The following PIK3CB variants were observed in gnomAD, a reference collection of about 807,000 sequenced individuals.
PIK3CB encodes phosphatidylinositol-4,5-bisphosphate 3-kinase catalytic subunit beta.
A neutral mutation model predicts 136.8 loss-of-function variants in PIK3CB; 39 were observed. The observed-to-expected ratio is 0.29, with a 90% CI of 0.22 to 0.37. The LOEUF (loss-of-function observed/expected upper bound fraction) is 0.37, where lower values mean the gene tolerates loss of function less well. Among genes scored for constraint, PIK3CB ranks in the 10% least tolerant of loss-of-function variants. PIK3CB has a pLI of 1.00. For synonymous variants in PIK3CB, 428 were observed against 436.6 expected (o/e 0.98, Z 0.25); for missense variants, 868 against 1,275.4 (o/e 0.68, Z 4.87).
intron 21 of PIK3CB, among the ~76,000 whole-genome samples, chr3:138,659,383 G>A (rs1420676685): frequency 3.3e-5 from 5 of 152,060 alleles, no homozygotes; most frequent in East Asian, 1.9e-4. Context: ...GCGTGGTGGC[G>A]CATGCCTGTG....
At chr3:138,796,410 T>C (rs1282911200) in intron 2 of PIK3CB, 53 bp downstream of exon 2, 1 of 148,634 alleles carries the variant, frequency 6.7e-6, no homozygotes, top group South Asian at 2.1e-4. Context: ...AAAAAAAAGA[T>C]TTATACTCTA....
At chr3:138,816,565 A>G (rs1697767575) in intron 1 of PIK3CB, among the ~76,000 whole-genome samples, 1 of 151,842 alleles carries the variant, frequency 6.6e-6, no homozygotes, top group Admixed American at 6.6e-5. Context: ...ATTGTACTCT[A>G]GCCTGGGGAC....
chr3:138,698,897 C>CTT lies in PIK3CB; in HGVS notation c.1770+8_1770+9dup. The CTT allele has an allele frequency of 6.4e-7, 1 of 1,568,588 alleles. No individual in the cohort carries two copies. The highest frequency in any genetic ancestry group is 8.7e-7 in the Non-Finnish European group (1 of 1,148,186). ...ACCCAAAAAAAGTTATAGAAACGATCTTTTGTTACCTGAGCAACATCCTCA... is the reference window on the plus strand; with the variant it reads ...ACCCAAAAAAAGTTATAGAAACGATCTTTTTTGTTACCTGAGCAACATCCTCA... On this transcript the variant is annotated intron_variant, in intron 13 of 23. Coordinates refer to ENST00000674063, the MANE Select transcript of PIK3CB (RefSeq NM_006219.3).
chr3:138,779,778 T>C (rs1576409171), intron 2 of PIK3CB, among the ~76,000 whole-genome samples: 1 of 151,210 alleles, frequency 6.6e-6, no homozygotes, highest in South Asian at 2.1e-4. Context: ...ATCCTCCTGC[T>C]TCGGCCTCCC....
chr3:138,742,480 A>G, intron 5 of PIK3CB, 78 bp downstream of exon 5: 1 of 683,596 alleles, frequency 1.5e-6, no homozygotes, highest in Non-Finnish European at 2.5e-6. Flanking sequence ...AGCGACAGAC[A>G]CTTCTAAAAA....
At chr3:138,764,562 C>T (rs1160362811) in intron 2 of PIK3CB, among the ~76,000 whole-genome samples, 4 of 152,202 alleles carry the variant, frequency 2.6e-5, no homozygotes, top group Admixed American at 1.3e-4. Flanking sequence ...GTCAGGAGTT[C>T]GAGACCAGCA....
chr3:138,739,107 T>A (rs2108658901), intron 5 of PIK3CB, among the ~76,000 whole-genome samples: 1 of 152,176 alleles, frequency 6.6e-6, no homozygotes, highest in East Asian at 1.9e-4. Context: ...TGTGATTAGG[T>A]CATGAGGGCA....
chr3:138,820,043 T>TA (rs1933491658), intron 1 of PIK3CB, among the ~76,000 whole-genome samples: 1 of 152,238 alleles, frequency 6.6e-6, no homozygotes. Flanking sequence ...GATCCACTGT[T>TA]ACGGACTAAA....
chr3:138,679,844 T>A (rs563271593), intron 19 of PIK3CB, among the ~76,000 whole-genome samples: 20 of 149,550 alleles, frequency 1.3e-4, no homozygotes, highest in Non-Finnish European at 1.2e-4. Flanking sequence ...GTGATCCACC[T>A]TGGCTTCCCA....
intron 19 of PIK3CB, among the ~76,000 whole-genome samples, chr3:138,680,631 C>T (rs1432314387): frequency 6.6e-6 from 1 of 151,340 alleles, no homozygotes; most frequent in African/African-American, 2.4e-5. Context: ...GCTTCAATAG[C>T]ACCCTAGACT....
rs556814065 is a variant in PIK3CB at position 138,807,589 on chromosome 3, AAAAG to A, written c.-121-11026_-121-11023del. 2.9e-3 allele frequency among the ~76,000 whole-genome samples: 437 copies of A among 152,262 alleles called. 1 individual carries two copies. The highest frequency in any genetic ancestry group is 4.1e-3 in the Non-Finnish European group (282 of 68,030). On this transcript the variant is annotated intron_variant, in intron 1 of 23. Transcript: ENST00000674063. Reference sequence around the variant, plus strand: ...CATAACGGAATGTTGTGCAGCTATAAAAAGAAAGAAAAGTCCAGGTGTGGTGGGA... The same window carrying A: ...CATAACGGAATGTTGTGCAGCTATAAAAAGAAAAGTCCAGGTGTGGTGGGA...
chr3:138,821,627 A>C (rs953113393), intron 1 of PIK3CB, among the ~76,000 whole-genome samples: 1 of 151,868 alleles, frequency 6.6e-6, no homozygotes, highest in Non-Finnish European at 1.5e-5. Flanking sequence ...TCTACTAAAA[A>C]CACAAAAATT....
Position 138,739,170 on chromosome 3 carries a change from G to A in PIK3CB, c.622-1284C>T, listed in dbSNP as rs535225559. Among the ~76,000 whole-genome samples, 26 of 152,208 alleles carry A rather than the reference G, an allele frequency of 1.7e-4. No homozygotes were observed. The South Asian group carries it at 4.4e-3, about 25-fold the overall frequency. ...TTATAAAAGAGACCCCAGAGGCCGTGCACGCTGGCTTACATCTGTAATCCC... is the reference window on the plus strand; with the variant it reads ...TTATAAAAGAGACCCCAGAGGCCGTACACGCTGGCTTACATCTGTAATCCC... On this transcript the variant is annotated intron_variant, in intron 5 of 23. Transcript: ENST00000674063.
chr3:138,740,917 G>A (rs1267279215), intron 5 of PIK3CB, among the ~76,000 whole-genome samples: 2 of 152,042 alleles, frequency 1.3e-5, no homozygotes, highest in Non-Finnish European at 2.9e-5. Flanking sequence ...GTGGCTGTGC[G>A]CCACCTCACC....
At chr3:138,820,610 C>A (rs945563907) in intron 1 of PIK3CB, among the ~76,000 whole-genome samples, 2 of 152,152 alleles carry the variant, frequency 1.3e-5, no homozygotes, top group Non-Finnish European at 2.9e-5. Flanking sequence ...TCTCCTGCCT[C>A]GGCCTCCCAA....
intron 2 of PIK3CB, among the ~76,000 whole-genome samples, chr3:138,793,691 T>C (rs1177313901): frequency 6.6e-6 from 1 of 150,764 alleles, no homozygotes; most frequent in Non-Finnish European, 1.5e-5. Context: ...GTTTCTACAA[T>C]AAGGTGGATG....
rs1252989692 is a variant in PIK3CB, at chr3:138,655,350, A to C, written c.*39T>G. The C allele has an allele frequency of 6.2e-7, 1 of 1,604,282 alleles. No homozygotes were observed. Among genetic ancestry groups the C allele is most frequent in the Middle Eastern group, 1.7e-4 (1 of 6,008 alleles). On this transcript the variant is annotated 3_prime_UTR_variant, in exon 24 of 24. Transcript: ENST00000674063. ...TAGTGCAAGTGCAAAATGAAAATGA[A>C]ATGAAACCAACAAATACATTAGGAG...
chr3:138,708,263 C>CTT (rs61178842), intron 10 of PIK3CB, among the ~76,000 whole-genome samples: 9 of 108,884 alleles, frequency 8.3e-5, no homozygotes, highest in Admixed American at 1.1e-4. Context: ...TTTTCTTTTT[C>CTT]TTTTTTTTTT....
Position 138,738,682 on chromosome 3 carries a change from A to G in PIK3CB, c.622-796T>C, listed in dbSNP as rs35254791. Among the ~76,000 whole-genome samples, 1,144 of 152,324 alleles carry G rather than the reference A, an allele frequency of 7.5e-3. 24 individuals carry two copies. Among genetic ancestry groups the G allele is most frequent in the African/African-American group, 0.025 (1,054 of 41,568 alleles). ...TATAGCATTACCAAATCTGTTCATC[A>G]TAAGACTGAATGATACAGTTAACAC... On this transcript the variant is annotated intron_variant, in intron 5 of 23. Transcript: ENST00000674063.
Sources: gnomAD v4.1 joint callset for allele counts (sites outside exome capture counted in the v4.1 genomes callset) on GRCh38, gnomAD v4.1.1 for gene constraint, MANE v1.5 for transcripts, NCBI Gene and HGNC (gene_info 2026-07-23, HGNC 2026-07-21) for gene names.